Variants in TEAD1 observed in about 807,000 individuals in gnomAD.
TEAD1 encodes the protein TEA domain transcription factor 1.
TEAD1 carries 9 observed loss-of-function variants against 54.9 expected under a neutral mutation model. The observed-to-expected ratio is 0.16, with a 90% CI of 0.10 to 0.29. TEAD1 has a LOEUF of 0.29. Among genes scored for constraint, TEAD1 ranks in the 10% least tolerant of loss-of-function variants. The probability of loss-of-function intolerance (pLI) is 1.00; values close to 1 mark genes in which losing one functional copy is unlikely to be tolerated. For missense variants in TEAD1, 387 were observed against 535.9 expected, an observed-to-expected ratio of 0.72 and a Z score of 2.74; for synonymous variants, 200 against 187.8, an observed-to-expected ratio of 1.07 and a Z score of -0.53.
At chr11:12,889,002 G>A (rs933226884) in intron 9 of TEAD1, among the ~76,000 whole-genome samples, 1 of 152,160 alleles carries the variant, frequency 6.6e-6, no homozygotes, top group Non-Finnish European at 1.5e-5. Context: ...CCCCAAGTTG[G>A]TGGTGGTTTA....
At position 12,901,971 on chromosome 11, in the gene TEAD1, A is replaced by G; in HGVS notation, c.731A>G (p.His244Arg). ...AAACACCTCTTCGTGCACATTGGGC[A>G]TGCCAACCATTCTTACAGTGACCCA... The change falls in exon 10 of 13, where the codon CAT (histidine) becomes CGT (arginine). Residue 244 changes from histidine to arginine, a missense_variant. His to Arg is a conservative substitution (Grantham distance 29). This residue lies in a region of TEAD1 where 180 missense variants were observed against 180.6 expected (regional missense o/e 1.00). Coordinates refer to ENST00000527636, the MANE Select transcript of TEAD1 (RefSeq NM_021961.6). The G allele has an allele frequency of 6.2e-7, 1 of 1,614,244 alleles. No individual in the cohort carries two copies. Among genetic ancestry groups the G allele is most frequent in the African/African-American group, 1.3e-5 (1 of 75,062 alleles).
At chr11:12,708,727 A>G (rs1484177874) in intron 2 of TEAD1, among the ~76,000 whole-genome samples, 2 of 152,202 alleles carry the variant, frequency 1.3e-5, no homozygotes, top group Admixed American at 1.3e-4. Context: ...AAAGTTACAT[A>G]AATTCCAGTA....
chr11:12,893,780 A>G (rs1554946986), intron 9 of TEAD1, among the ~76,000 whole-genome samples: 1 of 152,184 alleles, frequency 6.6e-6, no homozygotes, highest in Non-Finnish European at 1.5e-5. Context: ...TCTGGGAAGA[A>G]CGAGGGGCAT....
At chr11:12,789,510 G>A (rs1357336154) in intron 3 of TEAD1, among the ~76,000 whole-genome samples, 1 of 152,224 alleles carries the variant, frequency 6.6e-6, no homozygotes, top group African/African-American at 2.4e-5. Context: ...GAGTGTGCAA[G>A]CCAGCATCTT....
Position 12,851,543 on chromosome 11 carries a change from C to T in TEAD1, c.203-10707C>T, listed in dbSNP as rs138246048. On this transcript the variant is annotated intron_variant, in intron 3 of 12. Coordinates refer to ENST00000527636, the MANE Select transcript of TEAD1 (RefSeq NM_021961.6). ...GCGCAGTGGCTCACACCTGTAATCC[C>T]AGCACTTTGGGAGGCTGAGGTGGAC... 2.0e-5 allele frequency among the ~76,000 whole-genome samples: 3 copies of T among 152,250 alleles called. No individual in the cohort carries two copies. The East Asian group carries it at 5.8e-4, about 29-fold the overall frequency.
At chr11:12,899,200 C>G (rs1467388121) in intron 9 of TEAD1, among the ~76,000 whole-genome samples, 3 of 152,162 alleles carry the variant, frequency 2.0e-5, no homozygotes, top group Non-Finnish European at 4.4e-5. Context: ...CTAGAATGGA[C>G]AGAAGCGGTG....
At chr11:12,759,129 C>T (rs1945050447) in intron 2 of TEAD1, among the ~76,000 whole-genome samples, 4 of 151,906 alleles carry the variant, frequency 2.6e-5, no homozygotes, top group Admixed American at 6.6e-5. Flanking sequence ...TACTTAAGAG[C>T]CTTTAAATAA....
At chr11:12,681,259 G>A (rs1353585538) in intron 2 of TEAD1, among the ~76,000 whole-genome samples, 3 of 152,182 alleles carry the variant, frequency 2.0e-5, no homozygotes, top group Non-Finnish European at 4.4e-5. Flanking sequence ...TTAATTCAAA[G>A]TTGCTTTTGC....
At chr11:12,853,415 T>C (rs1947313180) in intron 3 of TEAD1, among the ~76,000 whole-genome samples, 1 of 152,176 alleles carries the variant, frequency 6.6e-6, no homozygotes, top group Non-Finnish European at 1.5e-5. Context: ...GAAGGTCTTA[T>C]AACTGAGAAC....
At chr11:12,868,546 G>A (rs997348401) in intron 5 of TEAD1, among the ~76,000 whole-genome samples, 3 of 152,156 alleles carry the variant, frequency 2.0e-5, no homozygotes, top group Admixed American at 6.5e-5. Flanking sequence ...CTGAAAATCC[G>A]TTAGAATAAA....
chr11:12,771,778 A>C (rs751197806), intron 3 of TEAD1, among the ~76,000 whole-genome samples: 1 of 152,204 alleles, frequency 6.6e-6, no homozygotes, highest in African/African-American at 2.4e-5. Context: ...GCCCAGGCTC[A>C]CAATTTATCA....
intron 3 of TEAD1, among the ~76,000 whole-genome samples, chr11:12,810,628 T>A (rs1159910438): frequency 6.6e-6 from 1 of 152,146 alleles, no homozygotes; most frequent in Non-Finnish European, 1.5e-5. Flanking sequence ...TCTGCTATGA[T>A]TGGGATCTGT....
In TEAD1 at chr11:12,703,706, T is replaced by C. The variant is rs75059581; in HGVS notation, c.-55+28145T>C. 3.9e-3 allele frequency among the ~76,000 whole-genome samples: 599 copies of C among 152,332 alleles called. 1 individual carries two copies. Among genetic ancestry groups the C allele is most frequent in the Non-Finnish European group, 6.2e-3 (421 of 68,024 alleles). On this transcript the variant is annotated intron_variant, in intron 2 of 12. Transcript: ENST00000527636. ...GTTTATAATAGACCCTCAGGATATA[T>C]CCATTGGAATGAGTGAATTTGGGGC...
At chr11:12,690,241 CA>C (rs1173617315) in intron 2 of TEAD1, among the ~76,000 whole-genome samples, 3,088 of 81,704 alleles carry the variant, frequency 0.038, 24 homozygotes, top group East Asian at 0.075. Context: ...GACTCCGTCT[CA>C]AAAAAAAAAA....
At chr11:12,767,938 G>A (rs1429031821) in intron 3 of TEAD1, among the ~76,000 whole-genome samples, 4 of 152,160 alleles carry the variant, frequency 2.6e-5, no homozygotes, top group Non-Finnish European at 5.9e-5. Context: ...AAGATGAGAG[G>A]GAAGTTCTTG....
intron 3 of TEAD1, among the ~76,000 whole-genome samples, chr11:12,821,008 A>T (rs527684129): frequency 6.6e-6 from 1 of 152,148 alleles, no homozygotes; most frequent in Admixed American, 6.5e-5. Context: ...GCCTGTCTGC[A>T]TGCTTGTTTA....
At chr11:12,741,017 A>G (rs766237508) in intron 2 of TEAD1, among the ~76,000 whole-genome samples, 5 of 152,212 alleles carry the variant, frequency 3.3e-5, no homozygotes, top group Admixed American at 6.5e-5. Context: ...ACAATGGAAC[A>G]TTAAAAAAAG....
At chr11:12,843,358 G>T (rs1261665373) in intron 3 of TEAD1, among the ~76,000 whole-genome samples, 1 of 152,246 alleles carries the variant, frequency 6.6e-6, no homozygotes, top group Non-Finnish European at 1.5e-5. Flanking sequence ...AAGTAGAAGT[G>T]ACAGGACTTG....
At chr11:12,743,350 T>C (rs183818242) in intron 2 of TEAD1, among the ~76,000 whole-genome samples, 1 of 152,354 alleles carries the variant, frequency 6.6e-6, no homozygotes, top group Non-Finnish European at 1.5e-5. Flanking sequence ...AGGCAGGACC[T>C]AACTCTTCTC....
Sources: gnomAD v4.1 joint callset for allele counts (sites outside exome capture counted in the v4.1 genomes callset) on GRCh38, gnomAD v4.1.1 for gene constraint, gnomAD v4.1.1 regional missense constraint, MANE v1.5 for transcripts, NCBI Gene and HGNC (gene_info 2026-07-23, HGNC 2026-07-21) for gene names.